Variants in KCTD2 observed in about 807,000 individuals in gnomAD.
The protein encoded by KCTD2 is BTB/POZ domain-containing protein KCTD2.
Under a neutral mutation model 27.9 loss-of-function variants are expected in KCTD2, and 18 were observed. The ratio of observed to expected loss-of-function variants is 0.64; its 90% CI spans 0.45 to 0.96. The LOEUF (loss-of-function observed/expected upper bound fraction) is 0.96. Ranked by LOEUF, KCTD2 falls within the 40% of genes least tolerant of loss-of-function variation. The pLI is 0.00. For missense variants in KCTD2, 280 were observed against 348.0 expected (o/e 0.80, Z 1.56); for synonymous variants, 175 against 148.4 (o/e 1.18, Z -1.30).
At chr17:75,062,699 AACAC>A (rs10533801) in intron 5 of KCTD2, among the ~76,000 whole-genome samples, 2,155 of 115,954 alleles carry the variant, frequency 0.019, 43 homozygotes, top group South Asian at 0.07. Flanking sequence ...CCTCACCCCC[AACAC>A]ACACACACAC....
intron 3 of KCTD2, chr17:75,035,408 G>A (rs80319906): frequency 0.016 from 2,500 of 152,218 alleles, 34 homozygotes; most frequent in Non-Finnish European, 0.027. Flanking sequence ...TACCTGGAAC[G>A]AGTTCAACAT....
upstream of KCTD2, chr17:75,042,416 A>G (rs1438630663): frequency 6.6e-7 from 1 of 1,515,098 alleles, no homozygotes; most frequent in Non-Finnish European, 9.0e-7. Context: ...AAATGCAAGG[A>G]TTTCTTTATA....
intron 3 of KCTD2, among the ~76,000 whole-genome samples, chr17:75,037,905 C>A (rs574948377): frequency 3.3e-5 from 5 of 151,432 alleles, no homozygotes; most frequent in Non-Finnish European, 5.9e-5. Context: ...ACAAATTAGC[C>A]GGGCGTGATG....
At chr17:75,040,851 A>G (rs2073152532) in intron 3 of KCTD2, 1 of 148,352 alleles carries the variant, frequency 6.7e-6, no homozygotes, top group African/African-American at 2.5e-5. Context: ...GCCCCACTGC[A>G]CTCCAGCCTG....
At chr17:75,039,896 CTTCT>C (rs1332310938) in intron 3 of KCTD2, 27 of 639,650 alleles carry the variant, frequency 4.2e-5, no homozygotes, top group Middle Eastern at 3.9e-4. Context: ...ATGCTATACT[CTTCT>C]TTTTCTTGTT....
chr17:75,052,963 T>C (rs540679336), intron 2 of KCTD2, 51 bp from the exon 3 acceptor site: 4 of 1,374,380 alleles, frequency 2.9e-6, no homozygotes, highest in East Asian at 2.3e-5. Flanking sequence ...CCTTGGTGTT[T>C]TTCTGGCAAA....
upstream of KCTD2, among the ~76,000 whole-genome samples, chr17:75,044,279 C>T (rs1305312702): frequency 8.8e-6 from 1 of 113,418 alleles, no homozygotes; most frequent in Non-Finnish European, 1.6e-5. Flanking sequence ...AATCTCGGCT[C>T]ACTGCAAACT....
At chr17:75,058,527 C>T (rs766917509) in intron 3 of KCTD2, among the ~76,000 whole-genome samples, 5 of 151,096 alleles carry the variant, frequency 3.3e-5, no homozygotes, top group East Asian at 4.0e-4. Flanking sequence ...AGGCTGGGTG[C>T]GGTGGCTCAT....
chr17:75,053,568 G>A (rs1325410878), intron 3 of KCTD2, among the ~76,000 whole-genome samples: 4 of 152,046 alleles, frequency 2.6e-5, no homozygotes, highest in African/African-American at 9.7e-5. Context: ...AGCCTCCCGT[G>A]TAGCTGGGAC....
At chr17:75,044,049 G>C (rs1273433433), upstream of KCTD2, among the ~76,000 whole-genome samples, 1 of 147,236 alleles carries the variant, frequency 6.8e-6, no homozygotes, top group East Asian at 2.0e-4. Context: ...TTTTGAGATG[G>C]AGTTTCACTC....
rs190972991 is a variant in KCTD2, at chr17:75,059,195, G to C, written c.541-315G>C. The C allele has an allele frequency of 5.8e-4, 101 of 175,480 alleles. 1 individual carries two copies. The Admixed American group carries it at 6.0e-3, about 10-fold the overall frequency. The allele number at this position is 175,480 out of a possible 1,614,324, so 10.9% of individuals were successfully genotyped here. A position where few individuals can be genotyped will look rare whatever the true frequency, so the allele number is the denominator to read the frequency against. On this transcript the variant is annotated intron_variant, in intron 3 of 5. Transcript: ENST00000322444. ...GATTAAATCTAAGTTTGTTGGCATA[G>C]TTGCTCAAGCATTCATCCCTCTGAA... is the stretch of plus-strand genomic sequence containing the variant.
chr17:75,035,555 T>C (rs1302246770), intron 3 of KCTD2, among the ~76,000 whole-genome samples: 1 of 151,428 alleles, frequency 6.6e-6, no homozygotes. Context: ...GCCCAATGGC[T>C]CACGCCTGTA....
chr17:75,033,894 C>G (rs182094230), intron 1 of KCTD2: 5 of 152,452 alleles, frequency 3.3e-5, no homozygotes, highest in African/African-American at 7.2e-5. Context: ...ATGGCACGGC[C>G]ACGTGCCCCA....
intron 3 of KCTD2, chr17:75,040,310 G>A (rs556755023): frequency 2.2e-4 from 190 of 882,548 alleles, no homozygotes; most frequent in African/African-American, 1.1e-3. Flanking sequence ...TGTCCCAAGC[G>A]GAAACGAATA....
chr17:75,044,292 G>A (rs1247707002), upstream of KCTD2, among the ~76,000 whole-genome samples: 1 of 111,050 alleles, frequency 9.0e-6, no homozygotes, highest in Non-Finnish European at 1.6e-5. Flanking sequence ...TGCAAACTCC[G>A]CTTCCCGGGT....
intron 3 of KCTD2, 192 bp from the exon 4 acceptor site, chr17:75,059,318 A>T (rs180733106): frequency 2.5e-6 from 1 of 404,058 alleles, no homozygotes; most frequent in Admixed American, 4.1e-5. Context: ...AAAAAGAAAA[A>T]CATTTTTTAA....
At chr17:75,033,972 TG>T (rs887225985) in intron 1 of KCTD2, 2 of 152,238 alleles carry the variant, frequency 1.3e-5, no homozygotes, top group African/African-American at 4.8e-5. Flanking sequence ...GAGTCCCACC[TG>T]GGGTAGAGGT....
chr17:75,062,699 A>AACACACACAC (rs10533801), intron 5 of KCTD2, among the ~76,000 whole-genome samples: 3,597 of 115,994 alleles, frequency 0.031, 195 homozygotes, highest in African/African-American at 0.043. Context: ...CCTCACCCCC[A>AACACACACAC]ACACACACAC....
chr17:75,062,197 A>C lies in KCTD2; in HGVS notation c.714A>C (p.Leu238=). 6.2e-7 allele frequency: 1 copy of C among 1,614,026 alleles called. No individual in the cohort carries two copies. The highest frequency in any genetic ancestry group is 8.5e-7 in the Non-Finnish European group (1 of 1,179,946). ...AEFLCVVSRE[L]NNSTNGIVIE... is the part of the protein sequence containing the mutation. ...TCCTCTGTGTTGTCTCCAGAGAACTAAATAATTCTACCAATGGCATCGTCA... is the reference window on the plus strand; with the variant it reads ...TCCTCTGTGTTGTCTCCAGAGAACTCAATAATTCTACCAATGGCATCGTCA... Residue 238 remains leucine (L), a synonymous_variant, in exon 5 of 6, where the codon CTA becomes CTC. Coordinates refer to ENST00000322444, the MANE Select transcript of KCTD2 (RefSeq NM_015353.3).
Sources: gnomAD v4.1 joint callset for allele counts (sites outside exome capture counted in the v4.1 genomes callset) on GRCh38, gnomAD v4.1.1 for gene constraint, MANE v1.5 for transcripts, NCBI Gene and HGNC (gene_info 2026-07-23, HGNC 2026-07-21) for gene names.